RORB: variants seen among roughly 807,000 people sequenced by gnomAD.
The protein encoded by RORB is RAR related orphan receptor B.
A neutral mutation model predicts 59.1 loss-of-function variants in RORB; 6 were observed. That is an observed-to-expected ratio of 0.10 (90% confidence interval 0.06 to 0.20). The LOEUF (loss-of-function observed/expected upper bound fraction) is 0.20, where lower values mean the gene tolerates loss of function less well. Among genes scored for constraint, RORB ranks in the 10% least tolerant of loss-of-function variants. RORB has a pLI of 1.00. For synonymous variants in RORB, 215 were observed against 204.5 expected (o/e 1.05, Z -0.44); for missense variants, 320 against 560.5 (o/e 0.57, Z 4.33).
At chr9:74,498,171 C>A (rs1825740355) in intron 1 of RORB, 188 bp downstream of exon 1, 1 of 677,624 alleles carries the variant, frequency 1.5e-6, no homozygotes, top group Non-Finnish European at 2.5e-6. Context: ...GTGTTGATGT[C>A]TTTCGGGAGT....
Position 74,611,830 on chromosome 9 carries a change from A to G in RORB, c.8-18452A>G, listed in dbSNP as rs568315835. The stretch of plus-strand genomic sequence containing the variant: ...GCCTGGCTAACTTTTTTGTATTTTT[A>G]GTAGAGACAATGTTTCACCATATTG... On this transcript the variant is annotated intron_variant, in intron 1 of 9. Coordinates refer to ENST00000376896, the MANE Select transcript of RORB (RefSeq NM_006914.4). Among the ~76,000 whole-genome samples the G allele has an allele frequency of 2.5e-4, 38 of 152,204 alleles. No homozygotes were observed. In the South Asian group the frequency reaches 7.9e-3, roughly 32 times the overall value.
At chr9:74,671,408 A>C (rs911663076) in intron 8 of RORB, among the ~76,000 whole-genome samples, 1 of 152,234 alleles carries the variant, frequency 6.6e-6, no homozygotes, top group African/African-American at 2.4e-5. Context: ...TGAACACCAA[A>C]AATATTCCTG....
At chr9:74,641,220 T>A (rs1391532007) in intron 3 of RORB, among the ~76,000 whole-genome samples, 1 of 143,072 alleles carries the variant, frequency 7.0e-6, no homozygotes, top group African/African-American at 2.5e-5. Flanking sequence ...GATGTTCACA[T>A]CCTAAAAAGG....
At chr9:74,616,833 TACAC>T (rs764800181) in intron 1 of RORB, among the ~76,000 whole-genome samples, 29 of 150,620 alleles carry the variant, frequency 1.9e-4, no homozygotes, top group Middle Eastern at 3.4e-3. Flanking sequence ...TATGTGCACA[TACAC>T]ACACACACAC....
At chr9:74,503,541 G>A (rs759383818) in intron 1 of RORB, among the ~76,000 whole-genome samples, 3 of 151,752 alleles carry the variant, frequency 2.0e-5, no homozygotes, top group East Asian at 1.9e-4. Context: ...TACTAGAGTC[G>A]CATAAAAAAG....
intron 1 of RORB, among the ~76,000 whole-genome samples, chr9:74,508,838 A>G (rs918405885): frequency 6.6e-6 from 1 of 152,044 alleles, no homozygotes; most frequent in African/African-American, 2.4e-5. Flanking sequence ...AGAGACTAAT[A>G]TCAACATTTG....
intron 1 of RORB, among the ~76,000 whole-genome samples, chr9:74,573,368 C>T (rs1197607244): frequency 6.6e-6 from 1 of 150,862 alleles, no homozygotes; most frequent in Non-Finnish European, 1.5e-5. Context: ...TAAATGACAA[C>T]GTCAGTGCTT....
chr9:74,657,083 G>A (rs1008156102), intron 4 of RORB, among the ~76,000 whole-genome samples: 2 of 152,132 alleles, frequency 1.3e-5, no homozygotes, highest in African/African-American at 4.8e-5. Flanking sequence ...GTCACGCTCT[G>A]TCACCAGGCT....
At chr9:74,569,396 G>T (rs992897532) in intron 1 of RORB, among the ~76,000 whole-genome samples, 2 of 151,946 alleles carry the variant, frequency 1.3e-5, no homozygotes, top group Non-Finnish European at 1.5e-5. Flanking sequence ...CCATAGGCAG[G>T]TTTATTTATA....
chr9:74,655,419 G>A (rs927961312), intron 4 of RORB, among the ~76,000 whole-genome samples: 1 of 152,188 alleles, frequency 6.6e-6, no homozygotes, highest in Non-Finnish European at 1.5e-5. Flanking sequence ...GCCCAAGCTA[G>A]TCAAAGAAGC....
At chr9:74,658,834 T>G (rs922272540) in intron 4 of RORB, among the ~76,000 whole-genome samples, 1 of 152,204 alleles carries the variant, frequency 6.6e-6, no homozygotes, top group Non-Finnish European at 1.5e-5. Flanking sequence ...TCAATTAAAC[T>G]TTGAATATAG....
intron 1 of RORB, among the ~76,000 whole-genome samples, chr9:74,549,515 A>G (rs1826558049): frequency 2.1e-5 from 1 of 47,428 alleles, no homozygotes; most frequent in Non-Finnish European, 4.0e-5. Context: ...AGAAAGGGAA[A>G]GAAGGGAGGG....
chr9:74,570,508 G>A (rs1822535488), intron 1 of RORB, among the ~76,000 whole-genome samples: 1 of 152,054 alleles, frequency 6.6e-6, no homozygotes, highest in Non-Finnish European at 1.5e-5. Context: ...AGAAAAGATC[G>A]GCTTTACCTT....
At chr9:74,509,760 A>T (rs1825911255) in intron 1 of RORB, among the ~76,000 whole-genome samples, 1 of 152,060 alleles carries the variant, frequency 6.6e-6, no homozygotes, top group Non-Finnish European at 1.5e-5. Context: ...GCCTATTATC[A>T]TCCTTCTGTG....
intron 3 of RORB, 38 bp downstream of exon 3, chr9:74,634,810 T>A: frequency 6.4e-7 from 1 of 1,571,106 alleles, no homozygotes; most frequent in Non-Finnish European, 8.6e-7. Context: ...TTAAGCCCTT[T>A]CAAATGGATG....
chr9:74,568,486 G>A (rs571268877), intron 1 of RORB, among the ~76,000 whole-genome samples: 126 of 151,958 alleles, frequency 8.3e-4, no homozygotes, highest in African/African-American at 2.7e-3. Flanking sequence ...TGGATAATGA[G>A]GTCAGGAGTT....
intron 1 of RORB, among the ~76,000 whole-genome samples, chr9:74,565,059 A>G (rs1822449034): frequency 6.6e-6 from 1 of 152,210 alleles, no homozygotes; most frequent in South Asian, 2.1e-4. Flanking sequence ...AGACACAGAA[A>G]AAGAAAACAA....
chr9:74,681,665 G>A (rs1194733718), intron 9 of RORB, among the ~76,000 whole-genome samples: 1 of 152,156 alleles, frequency 6.6e-6, no homozygotes. Flanking sequence ...AAAAGAGGAA[G>A]AGTCCATATT....
At chr9:74,572,017 C>T (rs535420978) in intron 1 of RORB, among the ~76,000 whole-genome samples, 19 of 152,146 alleles carry the variant, frequency 1.2e-4, no homozygotes, top group Non-Finnish European at 2.4e-4. Context: ...AACTTTCTTT[C>T]TCTACCTGGG....
Sources: gnomAD v4.1 joint callset for allele counts (sites outside exome capture counted in the v4.1 genomes callset) on GRCh38, gnomAD v4.1.1 for gene constraint, MANE v1.5 for transcripts, NCBI Gene and HGNC (gene_info 2026-07-23, HGNC 2026-07-21) for gene names.